Variants in AUTS2 observed in about 807,000 individuals in gnomAD.
AUTS2 encodes the protein autism susceptibility gene 2 protein.
In AUTS2, 17 loss-of-function variants were observed where a neutral mutation model predicts 112.4. The ratio of observed to expected loss-of-function variants is 0.15; its 90% confidence interval spans 0.10 to 0.23. The LOEUF (loss-of-function observed/expected upper bound fraction) is 0.23, where lower values mean the gene tolerates loss of function less well. Ranked by LOEUF, AUTS2 falls within the 10% of genes least tolerant of loss-of-function variation. AUTS2 has a pLI of 1.00. For synonymous variants in AUTS2, 751 were observed against 702.7 expected (o/e 1.07, Z -1.09); for missense variants, 1,510 against 1,701.6 (o/e 0.89, Z 1.98).
intron 4 of AUTS2, among the ~76,000 whole-genome samples, chr7:70,175,643 A>G (rs1171103584): frequency 6.6e-6 from 1 of 152,140 alleles, no homozygotes; most frequent in Admixed American, 6.5e-5. Flanking sequence ...GCAACCATCA[A>G]CATGTATGCA....
intron 1 of AUTS2, among the ~76,000 whole-genome samples, chr7:69,861,137 A>G (rs945445694): frequency 4.0e-5 from 6 of 151,764 alleles, no homozygotes; most frequent in Non-Finnish European, 8.8e-5. Flanking sequence ...AAAAAGCAGG[A>G]TTCAATATGC....
intron 1 of AUTS2, among the ~76,000 whole-genome samples, chr7:69,641,425 T>A (rs548356447): frequency 4.6e-4 from 69 of 150,434 alleles, no homozygotes; most frequent in African/African-American, 1.7e-3. Context: ...ACCTGTGTCA[T>A]AGGCCTTATC....
At chr7:70,007,144 G>A (rs1036929148) in intron 2 of AUTS2, among the ~76,000 whole-genome samples, 3 of 152,136 alleles carry the variant, frequency 2.0e-5, no homozygotes, top group Non-Finnish European at 2.9e-5. Flanking sequence ...AGAAAATGCC[G>A]TATGCATAGG....
chr7:69,765,505 C>G (rs1042800038), intron 1 of AUTS2, among the ~76,000 whole-genome samples: 1 of 152,180 alleles, frequency 6.6e-6, no homozygotes, highest in Non-Finnish European at 1.5e-5. Context: ...GTTAAAGAGT[C>G]AGGGTCTCAC....
chr7:69,763,981 C>CAAATTCTCATTTGACTTTT (rs1788304388), intron 1 of AUTS2, among the ~76,000 whole-genome samples: 1 of 152,168 alleles, frequency 6.6e-6, no homozygotes, highest in Non-Finnish European at 1.5e-5. Flanking sequence ...GTTAAGAATT[C>CAAATTCTCATTTGACTTTT]AAAGCAGGGT....
chr7:69,906,136 A>G (rs754020695), intron 2 of AUTS2, among the ~76,000 whole-genome samples: 34 of 152,226 alleles, frequency 2.2e-4, no homozygotes, highest in Non-Finnish European at 8.8e-5. Flanking sequence ...CTTTCCTTTA[A>G]TAAGGCCTAG....
chr7:70,285,523 C>T (rs1180720434), intron 4 of AUTS2, among the ~76,000 whole-genome samples: 1 of 152,156 alleles, frequency 6.6e-6, no homozygotes, highest in African/African-American at 2.4e-5. Context: ...ATTGTTGAGA[C>T]AATTTATTTT....
intron 4 of AUTS2, among the ~76,000 whole-genome samples, chr7:70,226,422 GT>G (rs1268736057): frequency 6.6e-6 from 1 of 150,570 alleles, no homozygotes; most frequent in Non-Finnish European, 1.5e-5. Context: ...ACTCAGGATG[GT>G]CTCAATCTCC....
intron 2 of AUTS2, among the ~76,000 whole-genome samples, chr7:69,936,595 A>T (rs541895802): frequency 6.6e-6 from 1 of 152,218 alleles, no homozygotes; most frequent in African/African-American, 2.4e-5. Flanking sequence ...GTAATCCACC[A>T]GCCTAGGCCT....
chr7:69,874,651 C>CA (rs1793648352), intron 1 of AUTS2, among the ~76,000 whole-genome samples: 1 of 151,604 alleles, frequency 6.6e-6, no homozygotes, highest in Non-Finnish European at 1.5e-5. Flanking sequence ...CCAGGCATTG[C>CA]ATCTATTTTT....
At chr7:70,331,768 AC>A (rs1468782596) in intron 4 of AUTS2, among the ~76,000 whole-genome samples, 1 of 152,084 alleles carries the variant, frequency 6.6e-6, no homozygotes, top group South Asian at 2.1e-4. Context: ...AAAATTCGAC[AC>A]CCCTTCATGC....
intron 5 of AUTS2, among the ~76,000 whole-genome samples, chr7:70,616,282 G>A (rs535127578): frequency 1.3e-5 from 2 of 152,296 alleles, no homozygotes; most frequent in East Asian, 3.9e-4. Context: ...CAGTTGGGAA[G>A]CATGCTCACC....
rs541707939 is a variant in AUTS2, at chr7:70,406,012, G to A, written c.661-29740G>A. Among the ~76,000 whole-genome samples, 5 of 152,132 alleles carry A rather than the reference G, an allele frequency of 3.3e-5. No individual in the cohort carries two copies. In the South Asian group the frequency reaches 6.2e-4, roughly 19 times the overall value. On this transcript the variant is annotated intron_variant, in intron 4 of 18. Transcript: ENST00000342771. ...ATTGGCAATTCATGGTGGTGGTGGC[G>A]GCCTGGTGGCAGTCCTCCCCCTGAA...
chr7:69,860,051 G>T (rs558032031), intron 1 of AUTS2, among the ~76,000 whole-genome samples: 70 of 151,626 alleles, frequency 4.6e-4, no homozygotes, highest in Middle Eastern at 3.4e-3. Flanking sequence ...GTTTTTTTTT[G>T]TTGTTGTTGT....
intron 5 of AUTS2, among the ~76,000 whole-genome samples, chr7:70,468,782 T>C (rs774401109): frequency 1.4e-5 from 2 of 144,626 alleles, no homozygotes; most frequent in Non-Finnish European, 3.0e-5. Flanking sequence ...GCTTAGCACC[T>C]TTTTTTTTTT....
intron 1 of AUTS2, among the ~76,000 whole-genome samples, chr7:69,724,274 C>T (rs1055201963): frequency 6.6e-6 from 1 of 152,080 alleles, no homozygotes; most frequent in Non-Finnish European, 1.5e-5. Context: ...TTCTTTTTAA[C>T]GATTTCATTA....
intron 2 of AUTS2, among the ~76,000 whole-genome samples, chr7:69,958,514 T>A (rs1185276630): frequency 6.6e-6 from 1 of 152,114 alleles, no homozygotes; most frequent in Admixed American, 6.6e-5. Context: ...GGGGCAGAGC[T>A]AAAAGCAACA....
At chr7:70,602,957 G>C (rs1277685159) in intron 5 of AUTS2, among the ~76,000 whole-genome samples, 1 of 152,196 alleles carries the variant, frequency 6.6e-6, no homozygotes, top group African/African-American at 2.4e-5. Flanking sequence ...AGAAAAAGCA[G>C]ATCCTCTGAT....
intron 5 of AUTS2, among the ~76,000 whole-genome samples, chr7:70,549,491 G>A: frequency 6.6e-6 from 1 of 152,186 alleles, no homozygotes; most frequent in East Asian, 1.9e-4. Context: ...CCTTACAGAG[G>A]CAAAGGGAAG....
Sources: gnomAD v4.1 joint callset for allele counts (sites outside exome capture counted in the v4.1 genomes callset) on GRCh38, gnomAD v4.1.1 for gene constraint, MANE v1.5 for transcripts, NCBI Gene and HGNC (gene_info 2026-07-23, HGNC 2026-07-21) for gene names.